Variants in MGAM observed in about 807,000 individuals in gnomAD.
The protein encoded by MGAM is alpha-1,4-glucosidase.
A neutral mutation model predicts 358.8 loss-of-function variants in MGAM; 253 were observed. The ratio of observed to expected loss-of-function variants is 0.71; its 90% CI spans 0.64 to 0.78. The LOEUF (loss-of-function observed/expected upper bound fraction) is 0.78. Ranked by LOEUF, MGAM falls within the 30% of genes least tolerant of loss-of-function variation. MGAM has a pLI of 0.00. For synonymous variants in MGAM, 1,105 were observed against 1,227.1 expected (o/e 0.90, Z 2.08); for missense variants, 3,080 against 3,432.6 (o/e 0.90, Z 2.57).
intron 21 of MGAM, among the ~76,000 whole-genome samples, chr7:142,045,174 A>G (rs1365401756): frequency 2.4e-5 from 2 of 82,412 alleles, no homozygotes; most frequent in South Asian, 3.4e-4. Flanking sequence ...TATATATATT[A>G]TATAACATAT....
intron 21 of MGAM, among the ~76,000 whole-genome samples, chr7:142,041,749 T>G (rs1237342442): frequency 6.7e-6 from 1 of 148,542 alleles, no homozygotes; most frequent in Non-Finnish European, 1.5e-5. Flanking sequence ...CCAACATTCT[T>G]TGCCTGGTGT....
At position 142,078,255 on chromosome 7, in the gene MGAM, C is replaced by G. The variant is rs1813912881; in HGVS notation, c.5494-63C>G. 3 of 1,210,790 alleles carry G rather than the reference C, an allele frequency of 2.5e-6. 1 individual carries two copies. The Admixed American group carries it at 8.5e-5, about 34-fold the overall frequency. 75.0% of individuals were successfully genotyped at this position (1,210,790 alleles called of 1,614,324 possible). Reference sequence around the variant, plus strand: ...TCCAAAATAAATAAATAAATAAAGTCTTAGATTTTGCAAGGCCTTTCTCCC... The same window carrying G: ...TCCAAAATAAATAAATAAATAAAGTGTTAGATTTTGCAAGGCCTTTCTCCC... On this transcript the variant is annotated intron_variant, in intron 47 of 70. Transcript: ENST00000475668.
chr7:142,030,454 C>T lies in MGAM; in HGVS notation c.1314C>T (p.Asn438=), dbSNP rs367803242. The change falls in exon 11 of 71, where the codon AAC becomes AAT. Residue 438 remains asparagine (N), a synonymous_variant. Coordinates refer to ENST00000475668, the MANE Select transcript of MGAM (RefSeq NM_001365693.1). ...VDFKGFPEFV[N]ELHNNGQKLV... ...TTAAAGGCTTCCCTGAATTTGTCAACGAGTTACACAATAATGGACAGAAGC... is the reference window on the plus strand; with the variant it reads ...TTAAAGGCTTCCCTGAATTTGTCAATGAGTTACACAATAATGGACAGAAGC... 114 of 1,613,512 alleles carry T rather than the reference C, an allele frequency of 7.1e-5. No homozygotes were observed. The South Asian group carries it at 7.7e-4, about 11-fold the overall frequency.
chr7:142,080,656 A>G (rs1814173862), intron 49 of MGAM, 135 bp from the exon 50 acceptor site: 2 of 818,134 alleles, frequency 2.4e-6, no homozygotes, highest in South Asian at 2.0e-5. Flanking sequence ...GTGTTAATTA[A>G]ATCTCAGACA....
chr7:142,088,787 A>T (rs1258151252), intron 57 of MGAM, among the ~76,000 whole-genome samples: 17 of 123,270 alleles, frequency 1.4e-4, no homozygotes, highest in East Asian at 1.2e-3. Context: ...CTATCTATCT[A>T]TCTATCTATC....
Position 142,080,735 on chromosome 7 carries a change from A to T in MGAM, c.5848-56A>T, listed in dbSNP as rs781509189. ...TCCAAAAATCAAAAAGGTTCTGCTA[A>T]GGGTATAGGTTTCAAGAGTAGTATT... On this transcript the variant is annotated intron_variant, in intron 49 of 70. Transcript: ENST00000475668. 26 of 1,404,472 alleles carry T rather than the reference A, an allele frequency of 1.9e-5. 3 individuals carry two copies. The highest frequency in any genetic ancestry group is 5.6e-5 in the African/African-American group (4 of 71,916). 87.0% of individuals were successfully genotyped at this position (1,404,472 alleles called of 1,614,324 possible).
At position 142,056,104 on chromosome 7, in the gene MGAM, C is replaced by T; in HGVS notation, c.3580+8C>T. On this transcript the variant is annotated splice_region_variant and intron_variant, in intron 29 of 70. Coordinates refer to ENST00000475668, the MANE Select transcript of MGAM (RefSeq NM_001365693.1). ...TGAACAGCAATGCCATGGGTAAGGC[C>T]ATCAGCACCTCCCTTATTTTGGGGG... The T allele has an allele frequency of 6.3e-7, 1 of 1,594,784 alleles. No homozygotes were observed.
At chr7:142,070,636 C>T (rs1300407231) in intron 43 of MGAM, among the ~76,000 whole-genome samples, 1 of 145,468 alleles carries the variant, frequency 6.9e-6, no homozygotes, top group Non-Finnish European at 1.6e-5. Context: ...TGTCTGGCCC[C>T]AAATCTCAAT....
At position 142,090,101 on chromosome 7, in the gene MGAM, G is replaced by T. The variant is rs532714346; in HGVS notation, c.6811-1812G>T. 1.9e-4 allele frequency among the ~76,000 whole-genome samples: 28 copies of T among 146,290 alleles called. 3 individuals are homozygous for T. In the South Asian group the frequency reaches 6.1e-3, roughly 32 times the overall value. On this transcript the variant is annotated intron_variant, in intron 57 of 70. Transcript: ENST00000475668. ...GATCCTGAGGCCCAGTGTGTGGGTG[G>T]TTATATCACTGTTTGAAGACTGGAG... is the stretch of plus-strand genomic sequence containing the variant.
chr7:142,017,572 G>A (rs1257697230), intron 3 of MGAM, among the ~76,000 whole-genome samples: 2 of 152,068 alleles, frequency 1.3e-5, no homozygotes, highest in African/African-American at 4.8e-5. Flanking sequence ...ACTCTGGGCT[G>A]TATACAAAAA....
rs201928853 is a variant in MGAM, at chr7:142,086,578, A to T, written c.6748-77A>T. On this transcript the variant is annotated intron_variant, in intron 56 of 70. Transcript: ENST00000475668. ...AGTATTGCTCCTAGGAACATGGTTT[A>T]TATAATAATTTCTTTGGAAATACTA... 2.5e-6 allele frequency: 2 copies of T among 794,142 alleles called. 1 individual carries two copies. The highest frequency in any genetic ancestry group is 3.5e-5 in the South Asian group (2 of 56,886). 49.2% of individuals were successfully genotyped at this position (794,142 alleles called of 1,614,324 possible). A position where few individuals can be genotyped will look rare whatever the true frequency, so the allele number is the denominator to read the frequency against.
upstream of MGAM, among the ~76,000 whole-genome samples, chr7:141,992,024 G>C (rs1803969840): frequency 6.6e-6 from 1 of 152,172 alleles, no homozygotes; most frequent in African/African-American, 2.4e-5. Context: ...ATGACTGCCT[G>C]CTATGTTCGG....
At chr7:142,101,966 G>A (rs1207743393) in intron 68 of MGAM, among the ~76,000 whole-genome samples, 2 of 151,810 alleles carry the variant, frequency 1.3e-5, no homozygotes, top group African/African-American at 4.8e-5. Context: ...AAAGGGGCCA[G>A]CACACAGGAA....
intron 40 of MGAM, among the ~76,000 whole-genome samples, chr7:142,066,311 GATT>G (rs1812751392): frequency 1.4e-5 from 2 of 145,928 alleles, no homozygotes; most frequent in African/African-American, 4.9e-5. Context: ...TTGTGCTTTA[GATT>G]ATTATTTTTT....
chr7:142,086,016 T>C lies in MGAM; in HGVS notation c.6636+55T>C. The C allele has an allele frequency of 6.5e-6, 10 of 1,533,114 alleles. 1 individual carries two copies. In the South Asian group the frequency reaches 1.1e-4, roughly 18 times the overall value. The allele number at this position is 1,533,114 out of a possible 1,614,324, so 95.0% of individuals were successfully genotyped here. ...GTTTGGGAGCAGGTATGGGTTTTGT[T>C]GGAGAAAGTGTTATACTTTATTTCC... On this transcript the variant is annotated intron_variant, in intron 55 of 70. Coordinates refer to ENST00000475668, the MANE Select transcript of MGAM (RefSeq NM_001365693.1).
Position 142,044,254 on chromosome 7 carries a change from G to A in MGAM, c.2498+3408G>A, listed in dbSNP as rs1210491942. Among the ~76,000 whole-genome samples, 12 of 120,468 alleles carry A rather than the reference G, an allele frequency of 1.0e-4. 1 individual carries two copies. The East Asian group carries it at 2.7e-3, about 27-fold the overall frequency. The allele number at this position is 120,468 out of a possible 152,430, so 79.0% of individuals were successfully genotyped here. On this transcript the variant is annotated intron_variant, in intron 21 of 70. Transcript: ENST00000475668. ...TAATATATACATTATATACACATAC[G>A]ACATATAATATATACATTATATACA...
In MGAM at chr7:142,064,365, G is replaced by A. The variant is rs181453911; in HGVS notation, c.4346-19G>A. 9,540 of 1,600,438 alleles carry A rather than the reference G, an allele frequency of 6.0e-3. 53 individuals are homozygous for A. The highest frequency in any genetic ancestry group is 7.4e-3 in the Non-Finnish European group (8,687 of 1,173,584). On this transcript the variant is annotated intron_variant, in intron 36 of 70. Transcript: ENST00000475668. ...CAGAATCAGGGCTGGGTTTCACCTC[G>A]CCAGTTCTTCCTCCTCAGATTTGGA...
intron 21 of MGAM, among the ~76,000 whole-genome samples, chr7:142,041,751 G>T (rs1318279265): frequency 6.8e-6 from 1 of 147,882 alleles, no homozygotes; most frequent in Non-Finnish European, 1.5e-5. Flanking sequence ...AACATTCTTT[G>T]CCTGGTGTAT....
intron 21 of MGAM, among the ~76,000 whole-genome samples, chr7:142,044,243 T>C (rs1415255606): frequency 2.1e-5 from 3 of 139,714 alleles, no homozygotes; most frequent in African/African-American, 7.6e-5. Flanking sequence ...ATATACATTA[T>C]ATACACATAC....
Sources: gnomAD v4.1 joint callset for allele counts (sites outside exome capture counted in the v4.1 genomes callset) on GRCh38, gnomAD v4.1.1 for gene constraint, MANE v1.5 for transcripts, NCBI Gene and HGNC (gene_info 2026-07-23, HGNC 2026-07-21) for gene names.